NUP98: variants seen among roughly 807,000 people sequenced by gnomAD.
NUP98 encodes the protein nucleoporin 98 and 96 precursor, also known as nuclear pore complex protein Nup98-Nup96.
Under a neutral mutation model 191.9 loss-of-function variants are expected in NUP98, and 26 were observed. That is an observed-to-expected ratio of 0.14 (90% confidence interval 0.10 to 0.19). The LOEUF is 0.19. Ranked by LOEUF, NUP98 falls within the 10% of genes least tolerant of loss-of-function variation. NUP98 has a pLI of 1.00. For missense variants in NUP98, 1,941 were observed against 2,178.8 expected, an observed-to-expected ratio of 0.89 and a Z score of 2.17; for synonymous variants, 808 against 778.4, an observed-to-expected ratio of 1.04 and a Z score of -0.63.
intron 12 of NUP98, among the ~76,000 whole-genome samples, chr11:3,740,822 A>AT (rs200221213): frequency 5.2e-4 from 77 of 148,350 alleles, no homozygotes; most frequent in South Asian, 1.3e-3. Flanking sequence ...ATATATATAT[A>AT]TATTTTTTTT....
In NUP98 at chr11:3,700,833, A is replaced by G. The variant is rs1564819528; in HGVS notation, c.3519T>C (p.Thr1173=). 7 of 1,612,200 alleles carry G rather than the reference A, an allele frequency of 4.3e-6. No individual in the cohort carries two copies. The highest frequency in any genetic ancestry group is 1.7e-4 in the Middle Eastern group (1 of 6,060). Residue 1173 remains threonine, a synonymous_variant, in exon 24 of 33, where the codon ACT becomes ACC. Transcript: ENST00000324932. ...CTAAGTGAACTTTGAATGGGGACTCAGTTAGGCTACAAGAGCAAATGAGGA... is the reference window on the plus strand; with the variant it reads ...CTAAGTGAACTTTGAATGGGGACTCGGTTAGGCTACAAGAGCAAATGAGGA... ...LPNPVAVKPL[T]ESPFKVHLEK...
At chr11:3,694,484 T>TA (rs1455384017) in intron 26 of NUP98, among the ~76,000 whole-genome samples, 2 of 151,124 alleles carry the variant, frequency 1.3e-5, no homozygotes, top group Non-Finnish European at 2.9e-5. Flanking sequence ...CTCACGCTTG[T>TA]AATCCCAGCA....
chr11:3,698,075 A>G (rs146307908), intron 25 of NUP98, among the ~76,000 whole-genome samples: 1 of 152,304 alleles, frequency 6.6e-6, no homozygotes, highest in East Asian at 1.9e-4. Context: ...GAAGGAAGAA[A>G]TTTACTACTA....
At chr11:3,729,715 CAAAAAA>C (rs755816362) in intron 14 of NUP98, among the ~76,000 whole-genome samples, 4,281 of 37,280 alleles carry the variant, frequency 0.11, 213 homozygotes, top group South Asian at 0.27. Flanking sequence ...ACTCTTGCCT[CAAAAAA>C]AAAAAAAAAA....
chr11:3,717,530 T>C (rs1192785567), intron 18 of NUP98, among the ~76,000 whole-genome samples: 1 of 152,272 alleles, frequency 6.6e-6, no homozygotes, highest in East Asian at 1.9e-4. Flanking sequence ...ATGTTGATTC[T>C]GTATCCTGTA....
At chr11:3,751,417 C>T (rs746276610) in intron 11 of NUP98, among the ~76,000 whole-genome samples, 6 of 151,980 alleles carry the variant, frequency 3.9e-5, no homozygotes, top group Non-Finnish European at 8.8e-5. Flanking sequence ...TATGTACAGA[C>T]GTGTGTGTGT....
At chr11:3,771,984 TA>T (rs1191169037) in intron 6 of NUP98, 56 bp from the exon 7 acceptor site, 2 of 1,460,774 alleles carry the variant, frequency 1.4e-6, no homozygotes, top group Non-Finnish European at 1.9e-6. Context: ...AATAATTATT[TA>T]GGAGGCTAAA....
intron 8 of NUP98, among the ~76,000 whole-genome samples, chr11:3,764,096 A>G (rs1247652807): frequency 1.3e-5 from 2 of 152,136 alleles, no homozygotes; most frequent in Admixed American, 1.3e-4. Flanking sequence ...CCCCCCAAAG[A>G]AATCCCAGAC....
At chr11:3,758,989 T>C (rs1006030820) in intron 10 of NUP98, among the ~76,000 whole-genome samples, 1 of 152,226 alleles carries the variant, frequency 6.6e-6, no homozygotes, top group Non-Finnish European at 1.5e-5. Flanking sequence ...TACCTATCAA[T>C]GAACTATCTA....
chr11:3,685,914 C>T, intron 29 of NUP98, 59 bp downstream of exon 29: 1 of 1,342,330 alleles, frequency 7.4e-7, no homozygotes, highest in South Asian at 1.2e-5. Flanking sequence ...AGACTGATTC[C>T]TTTGGAATTG....
chr11:3,727,839 C>T (rs1003417621), intron 14 of NUP98, among the ~76,000 whole-genome samples: 1 of 151,978 alleles, frequency 6.6e-6, no homozygotes, highest in Non-Finnish European at 1.5e-5. Context: ...GCCTGGGCAA[C>T]ACAGCAAGAT....
chr11:3,759,708 A>T (rs2134497829), intron 10 of NUP98, among the ~76,000 whole-genome samples: 1 of 152,210 alleles, frequency 6.6e-6, no homozygotes, highest in African/African-American at 2.4e-5. Context: ...TCTTTTCTGT[A>T]TTTTCCAGAT....
rs982939457 is a variant in NUP98 at position 3,692,258 on chromosome 11, G to A, written c.4312-769C>T. On this transcript the variant is annotated intron_variant, in intron 27 of 32. Transcript: ENST00000324932. The stretch of plus-strand genomic sequence containing the variant: ...GCCCAGGAGGTCAAGGCTGCAGTGA[G>A]CTATAATTGCCCCACTGCATGCCAC... Among the ~76,000 whole-genome samples, 3 of 151,296 alleles carry A rather than the reference G, an allele frequency of 2.0e-5. No homozygotes were observed. In the South Asian group the frequency reaches 6.3e-4, roughly 32 times the overall value.
chr11:3,684,885 C>A (rs1308627302), intron 29 of NUP98, among the ~76,000 whole-genome samples: 1 of 148,686 alleles, frequency 6.7e-6, no homozygotes, highest in Non-Finnish European at 1.5e-5. Flanking sequence ...CGTGGTAGAT[C>A]TAGAATTTAG....
chr11:3,744,587 C>A lies in NUP98; in HGVS notation c.1330G>T (p.Gly444Cys). ...NNQPKIGGPLGTGAFGAPGFN... is the reference protein window; with the variant it reads ...NNQPKIGGPLCTGAFGAPGFN... ...CCAGGGGCCCCAAAGGCTCCTGTAC[C>A]AAGAGGCCCTCCAATCTTAGGTTGG... Residue 444 changes from glycine (G) to cysteine (C), a missense_variant, in exon 12 of 33, where the codon GGT (glycine) becomes TGT (cysteine). By Grantham distance (159) the Gly-to-Cys change is radical. Transcript: ENST00000324932. 6.2e-7 allele frequency: 1 copy of A among 1,613,618 alleles called. No individual in the cohort carries two copies. Among genetic ancestry groups the A allele is most frequent in the Non-Finnish European group, 8.5e-7 (1 of 1,179,654 alleles).
chr11:3,759,501 G>A (rs2081091755), intron 10 of NUP98, among the ~76,000 whole-genome samples: 1 of 152,082 alleles, frequency 6.6e-6, no homozygotes, highest in Non-Finnish European at 1.5e-5. Flanking sequence ...GGAGGCTGAG[G>A]CAGGAGAATC....
At chr11:3,753,917 C>T (rs2080862732) in intron 10 of NUP98, among the ~76,000 whole-genome samples, 1 of 150,400 alleles carries the variant, frequency 6.6e-6, no homozygotes, top group African/African-American at 2.4e-5. Flanking sequence ...CCAGCCTGGG[C>T]AACAGAGCAG....
At chr11:3,757,188 T>C (rs1405772917) in intron 10 of NUP98, among the ~76,000 whole-genome samples, 1 of 151,160 alleles carries the variant, frequency 6.6e-6, no homozygotes, top group Non-Finnish European at 1.5e-5. Context: ...ACCCTTATAG[T>C]GTTCAGATAA....
chr11:3,679,511 T>C, intron 31 of NUP98, 43 bp downstream of exon 31: 1 of 1,612,576 alleles, frequency 6.2e-7, no homozygotes, highest in South Asian at 1.1e-5. Context: ...TTTAAGGGCC[T>C]GAGAAAAGGA....
Sources: allele counts gnomAD v4.1 joint callset (sites outside exome capture counted in the v4.1 genomes callset), GRCh38; gene constraint gnomAD v4.1.1; transcripts MANE v1.5; gene names NCBI Gene and HGNC (gene_info 2026-07-23, HGNC 2026-07-21).